The following ADAM21 variants were observed in gnomAD, a reference collection of about 807,000 sequenced individuals.
The protein encoded by ADAM21 is disintegrin and metalloproteinase domain-containing protein 21.
For missense variants in ADAM21, 678 were observed against 874.4 expected (o/e 0.78, Z 2.83); for synonymous variants, 262 against 306.0 (o/e 0.86, Z 1.50).
At position 70,459,331 on chromosome 14, in the gene ADAM21, C is replaced by G; in HGVS notation, c.1832C>G (p.Thr611Ser). 1 of 1,614,164 alleles carries G rather than the reference C, an allele frequency of 6.2e-7. No homozygotes were observed. Among genetic ancestry groups the G allele is most frequent in the Non-Finnish European group, 8.5e-7 (1 of 1,180,030 alleles). The change falls in exon 2 of 2, where the codon ACT becomes AGT. Residue 611 changes from threonine to serine, a missense_variant. Physicochemically the swap from Thr to Ser is moderately conservative, Grantham distance 58 (BLOSUM62 1). Coordinates refer to ENST00000603540, the MANE Select transcript of ADAM21 (RefSeq NM_003813.4). ...ISDIGEVKDG[T>S]VCGPGKICIH... ...GACATTGGTGAAGTGAAAGATGGTA[C>G]TGTGTGTGGCCCAGGAAAGATCTGC...
At chr14:70,453,044 G>A (rs867924814) in intron 1 of ADAM21, among the ~76,000 whole-genome samples, 1 of 151,818 alleles carries the variant, frequency 6.6e-6, no homozygotes, top group African/African-American at 2.4e-5. Flanking sequence ...GCGTGTGTGT[G>A]TGTGTGTGTG....
chr14:70,459,307 A>T lies in ADAM21; in HGVS notation c.1808A>T (p.Asp603Val), dbSNP rs761304781. ...IDYHLRMNIS[D>V]IGEVKDGTVC... is the part of the protein sequence containing the mutation. ...TATCATTTAAGGATGAACATATCTG[A>T]CATTGGTGAAGTGAAAGATGGTACT... is the stretch of plus-strand genomic sequence containing the variant. The change falls in exon 2 of 2, where the codon GAC becomes GTC. Residue 603 changes from aspartate to valine, a missense_variant. Asp to Val is a radical substitution (Grantham distance 152). Transcript: ENST00000603540. 3.7e-6 allele frequency: 6 copies of T among 1,614,120 alleles called. No homozygotes were observed. The highest frequency in any genetic ancestry group is 5.1e-6 in the Non-Finnish European group (6 of 1,180,048).
chr14:70,458,144 G>A lies in ADAM21; in HGVS notation c.645G>A (p.Val215=), dbSNP rs774600633. 6 of 1,613,690 alleles carry A rather than the reference G, an allele frequency of 3.7e-6. No individual in the cohort carries two copies. Among genetic ancestry groups the A allele is most frequent in the Non-Finnish European group, 4.2e-6 (5 of 1,179,782 alleles). ...CATGGTTTCTGGAGCTAGTTGTTGT[G>A]GTGAACCATGATTTCTTCATTTACT... ...THAWFLELVV[V]VNHDFFIYSQ... Residue 215 remains valine, a synonymous_variant, in exon 2 of 2, where the codon GTG becomes GTA. Coordinates refer to ENST00000603540, the MANE Select transcript of ADAM21 (RefSeq NM_003813.4).
chr14:70,454,594 G>C (rs1889080359), intron 1 of ADAM21, among the ~76,000 whole-genome samples: 1 of 152,160 alleles, frequency 6.6e-6, no homozygotes, highest in Admixed American at 6.5e-5. Flanking sequence ...AAGGGGGAGA[G>C]CTGGGAGAAC....
Position 70,459,267 on chromosome 14 carries a change from T to C in ADAM21, c.1768T>C (p.Cys590Arg). Residue 590 changes from cysteine to arginine, a missense_variant, in exon 2 of 2, where the codon TGC becomes CGC. Cys to Arg is a radical substitution (Grantham distance 180). Transcript: ENST00000603540. ...GCACACTCATATCAATGGTGTCACC[T>C]GCTGGGGTATTGACTATCATTTAAG... ...LQHTHINGVT[C>R]WGIDYHLRMN... The C allele has an allele frequency of 1.2e-6, 2 of 1,614,184 alleles. No individual in the cohort carries two copies. Among genetic ancestry groups the C allele is most frequent in the East Asian group, 4.5e-5 (2 of 44,886 alleles).
chr14:70,459,322 A>G lies in ADAM21; in HGVS notation c.1823A>G (p.Lys608Arg), dbSNP rs1167953219. The G allele has an allele frequency of 3.1e-6, 5 of 1,614,102 alleles. No homozygotes were observed. The highest frequency in any genetic ancestry group is 4.2e-6 in the Non-Finnish European group (5 of 1,180,046). Residue 608 changes from lysine (K) to arginine (R), a missense_variant, in exon 2 of 2, where the codon AAA becomes AGA. Lys to Arg is a conservative substitution (Grantham distance 26). Transcript: ENST00000603540. The stretch of plus-strand genomic sequence containing the variant: ...AACATATCTGACATTGGTGAAGTGA[A>G]AGATGGTACTGTGTGTGGCCCAGGA... ...RMNISDIGEV[K>R]DGTVCGPGKI...
At chr14:70,454,525 A>C (rs1004375011) in intron 1 of ADAM21, among the ~76,000 whole-genome samples, 6 of 152,150 alleles carry the variant, frequency 3.9e-5, no homozygotes, top group African/African-American at 1.4e-4. Flanking sequence ...GAAATGGGGG[A>C]TGATGAAAGA....
In ADAM21 at chr14:70,458,933, T is replaced by A. The variant is rs1422153768; in HGVS notation, c.1434T>A (p.Asn478Lys). ...AATGTGACCTTCCAGAATGGTGCAA[T>A]GGAACATCTCATCAGTGTCCAGAAG... is the stretch of plus-strand genomic sequence containing the variant. ...VNECDLPEWC[N>K]GTSHQCPEDR... The change falls in exon 2 of 2, where the codon AAT becomes AAA. Residue 478 changes from asparagine to lysine, a missense_variant. Coordinates refer to ENST00000603540, the MANE Select transcript of ADAM21 (RefSeq NM_003813.4). 6.2e-7 allele frequency: 1 copy of A among 1,614,184 alleles called. No individual in the cohort carries two copies. Among genetic ancestry groups the A allele is most frequent in the Admixed American group, 1.7e-5 (1 of 60,016 alleles).
In ADAM21 at chr14:70,457,451, C is replaced by T. The variant is rs371370193; in HGVS notation, c.-49C>T. On this transcript the variant is annotated 5_prime_UTR_variant, in exon 2 of 2. Coordinates refer to ENST00000603540, the MANE Select transcript of ADAM21 (RefSeq NM_003813.4). The stretch of plus-strand genomic sequence containing the variant: ...AAGCCAGACCAGCAGTGCCTCACAC[C>T]TTGTCCTCTTCTGCTCTGGACAGAT... 9.3e-6 allele frequency: 15 copies of T among 1,606,558 alleles called. No homozygotes were observed. Among genetic ancestry groups the T allele is most frequent in the Non-Finnish European group, 1.1e-5 (13 of 1,176,356 alleles).
In ADAM21 at chr14:70,459,541, G is replaced by T; in HGVS notation, c.2042G>T (p.Gly681Val). The T allele has an allele frequency of 6.2e-7, 1 of 1,614,194 alleles. No individual in the cohort carries two copies. Among genetic ancestry groups the T allele is most frequent in the Non-Finnish European group, 8.5e-7 (1 of 1,180,022 alleles). ...AGTGGCCCAGCATCTGCAAAGAGAG[G>T]AGTTTTTTTGCCGCTGATTGTGATT... ...IDSGPASAKR[G>V]VFLPLIVIPS... is the part of the protein sequence containing the mutation. Residue 681 changes from glycine to valine, a missense_variant, in exon 2 of 2, where the codon GGA becomes GTA. Gly to Val is a moderately radical substitution (Grantham distance 109, BLOSUM62 -3). Transcript: ENST00000603540.
Position 70,459,297 on chromosome 14 carries a change from A to C in ADAM21, c.1798A>C (p.Asn600His), listed in dbSNP as rs374252283. 5.1e-5 allele frequency: 82 copies of C among 1,614,092 alleles called. 1 individual carries two copies. The highest frequency in any genetic ancestry group is 4.5e-4 in the East Asian group (20 of 44,900). ...GGGTATTGACTATCATTTAAGGATG[A>C]ACATATCTGACATTGGTGAAGTGAA... ...CWGIDYHLRM[N>H]ISDIGEVKDG... The change falls in exon 2 of 2, where the codon AAC becomes CAC. Residue 600 changes from asparagine (N) to histidine (H), a missense_variant. Asn to His is a moderately conservative substitution (Grantham distance 68). Transcript: ENST00000603540.
Position 70,452,609 on chromosome 14 carries a change from G to GC in ADAM21, c.-152+349dup, listed in dbSNP as rs376944416. Among the ~76,000 whole-genome samples the GC allele has an allele frequency of 2.6e-4, 39 of 152,210 alleles. 1 individual carries two copies. In the East Asian group the frequency reaches 7.2e-3, roughly 28 times the overall value. On this transcript the variant is annotated intron_variant, in intron 1 of 1. Coordinates refer to ENST00000603540, the MANE Select transcript of ADAM21 (RefSeq NM_003813.4). ...TCTCGATCTCCTGACCTCGTGATCC[G>GC]CCCTCCTCGGCCTCCCAAAGTGCTG...
Position 70,459,045 on chromosome 14 carries a change from G to A in ADAM21, c.1546G>A (p.Glu516Lys). 2.5e-6 allele frequency: 4 copies of A among 1,613,918 alleles called. No homozygotes were observed. Among genetic ancestry groups the A allele is most frequent in the Non-Finnish European group, 3.4e-6 (4 of 1,179,972 alleles). ...TAATAACCATGACCAGCATTGCAGGGAGATTTTTGGTAAAGATGCAAAAAG... is the reference window on the plus strand; with the variant it reads ...TAATAACCATGACCAGCATTGCAGGAAGATTTTTGGTAAAGATGCAAAAAG... ...RCNNHDQHCR[E>K]IFGKDAKSAS... The change falls in exon 2 of 2, where the codon GAG becomes AAG. Residue 516 changes from glutamate (E) to lysine (K), a missense_variant. Coordinates refer to ENST00000603540, the MANE Select transcript of ADAM21 (RefSeq NM_003813.4).
intron 1 of ADAM21, among the ~76,000 whole-genome samples, chr14:70,454,673 T>C (rs1329950838): frequency 6.6e-6 from 1 of 152,176 alleles, no homozygotes; most frequent in African/African-American, 2.4e-5. Context: ...ACATTATGAC[T>C]ATGAGTGGGT....
rs780020827 is a variant in ADAM21 at position 70,458,234 on chromosome 14, G to A, written c.735G>A (p.Met245Ile). ...VFLVVNIVDS[M>I]YKQLGTYIIL... ...TTGTTGTCAACATAGTGGATTCCAT[G>A]TATAAGCAGTTAGGTACTTACATAA... Residue 245 changes from methionine to isoleucine, a missense_variant, in exon 2 of 2, where the codon ATG (methionine) becomes ATA (isoleucine). Coordinates refer to ENST00000603540, the MANE Select transcript of ADAM21 (RefSeq NM_003813.4). 8.5e-5 allele frequency: 137 copies of A among 1,613,624 alleles called. No homozygotes were observed. Among genetic ancestry groups the A allele is most frequent in the Non-Finnish European group, 1.2e-4 (136 of 1,179,864 alleles).
chr14:70,458,094 T>C lies in ADAM21; in HGVS notation c.595T>C (p.Ser199Pro). Residue 199 changes from serine to proline, a missense_variant, in exon 2 of 2, where the codon TCT becomes CCT. Ser to Pro is a moderately conservative substitution (Grantham distance 74). Transcript: ENST00000603540. ...TGAGAACTCAGCTCTGGAACCAAAA[T>C]CTGCTGGTGACTGGTGGACTCATGC... The part of the protein sequence containing the change: ...EAENSALEPK[S>P]AGDWWTHAWF... The C allele has an allele frequency of 6.2e-7, 1 of 1,614,112 alleles. No individual in the cohort carries two copies. Among genetic ancestry groups the C allele is most frequent in the African/African-American group, 1.3e-5 (1 of 75,014 alleles).
At chr14:70,456,163 A>C (rs1159963961) in intron 1 of ADAM21, among the ~76,000 whole-genome samples, 1 of 152,200 alleles carries the variant, frequency 6.6e-6, no homozygotes, top group Non-Finnish European at 1.5e-5. Context: ...CATGAAATAC[A>C]TAAAATATTG....
Position 70,459,694 on chromosome 14 carries a change from A to G in ADAM21, c.*26A>G, listed in dbSNP as rs1330867347. Reference sequence around the variant, plus strand: ...GAAAATGTCTCTAACTTAATATTCCATGCATTAGTACACTTTAGTCTCTTG... The same window carrying G: ...GAAAATGTCTCTAACTTAATATTCCGTGCATTAGTACACTTTAGTCTCTTG... On this transcript the variant is annotated 3_prime_UTR_variant, in exon 2 of 2. Coordinates refer to ENST00000603540, the MANE Select transcript of ADAM21 (RefSeq NM_003813.4). The G allele has an allele frequency of 2.5e-6, 4 of 1,608,512 alleles. No individual in the cohort carries two copies. Among genetic ancestry groups the G allele is most frequent in the African/African-American group, 1.3e-5 (1 of 74,704 alleles).
chr14:70,454,132 G>A (rs1381095753), intron 1 of ADAM21, among the ~76,000 whole-genome samples: 1 of 152,192 alleles, frequency 6.6e-6, no homozygotes. Flanking sequence ...GATTGAGGAG[G>A]TGCAAATGCA....
Sources: gnomAD v4.1 joint callset for allele counts (sites outside exome capture counted in the v4.1 genomes callset) on GRCh38, gnomAD v4.1.1 for gene constraint, MANE v1.5 for transcripts, NCBI Gene and HGNC (gene_info 2026-07-23, HGNC 2026-07-21) for gene names.